TOX3: variants seen among roughly 807,000 people sequenced by gnomAD.
The protein encoded by TOX3 is CAG trinucleotide repeat-containing gene F9 protein.
In TOX3, 22 loss-of-function variants were observed where a neutral mutation model predicts 64.3. The observed-to-expected ratio is 0.34, with a 90% confidence interval of 0.24 to 0.49. TOX3 has a LOEUF of 0.49. Ranked by LOEUF, TOX3 falls within the 20% of genes least tolerant of loss-of-function variation. TOX3 has a pLI of 0.99. For synonymous variants in TOX3, 291 were observed against 273.6 expected (o/e 1.06, Z -0.63); for missense variants, 661 against 714.4 (o/e 0.93, Z 0.85).
At chr16:52,492,112 T>A (rs1378341650) in intron 1 of TOX3, among the ~76,000 whole-genome samples, 4 of 151,862 alleles carry the variant, frequency 2.6e-5, no homozygotes, top group African/African-American at 9.7e-5. Context: ...TTTCTCAAAA[T>A]GGGTCTGTAC....
chr16:52,458,692 C>T (rs1229814459), intron 3 of TOX3, among the ~76,000 whole-genome samples: 1 of 152,072 alleles, frequency 6.6e-6, no homozygotes. Context: ...GACAGATGAC[C>T]CTCAGGTTAA....
At chr16:52,519,319 T>A in intron 1 of TOX3, 5 of 1,291,042 alleles carry the variant, frequency 3.9e-6, no homozygotes, top group Non-Finnish European at 5.3e-6. Context: ...TAAGGGTTAG[T>A]GCATTCATCA....
chr16:52,455,060 A>G lies in TOX3; in HGVS notation c.409-4514T>C, dbSNP rs528893963. Among the ~76,000 whole-genome samples, 11 of 152,350 alleles carry G rather than the reference A, an allele frequency of 7.2e-5. No homozygotes were observed. In the South Asian group the frequency reaches 2.3e-3, roughly 32 times the overall value. The stretch of plus-strand genomic sequence containing the variant: ...AAAGGCAAAGCAGCTATTGGGTTCT[A>G]AGAGATTGCCCACTATCATAACCAA... On this transcript the variant is annotated intron_variant, in intron 3 of 6. Transcript: ENST00000219746.
At chr16:52,515,207 A>C (rs765943496) in intron 1 of TOX3, among the ~76,000 whole-genome samples, 3 of 151,564 alleles carry the variant, frequency 2.0e-5, no homozygotes, top group Non-Finnish European at 4.4e-5. Flanking sequence ...AAGAAAAAGA[A>C]AAAGAAAGAA....
chr16:52,450,868 G>T (rs1001472786), intron 3 of TOX3, among the ~76,000 whole-genome samples: 1 of 151,088 alleles, frequency 6.6e-6, no homozygotes, highest in Admixed American at 6.6e-5. Flanking sequence ...AAAAAAAGAA[G>T]AAAGGAAATT....
At position 52,439,580 on chromosome 16, in the gene TOX3, A is replaced by G; in HGVS notation, c.1376T>C (p.Met459Thr). 6.3e-7 allele frequency: 1 copy of G among 1,577,962 alleles called. No individual in the cohort carries two copies. The highest frequency in any genetic ancestry group is 8.7e-7 in the Non-Finnish European group (1 of 1,155,648). Residue 459 changes from methionine (M) to threonine (T), a missense_variant, in exon 7 of 7, where the codon ATG (methionine) becomes ACG (threonine). Physicochemically the swap from Met to Thr is moderately conservative, Grantham distance 81. Around this residue, in one of 3 missense-constraint regions of TOX3, gnomAD observed 299 missense variants for 292.1 expected, o/e 1.02. Coordinates refer to ENST00000219746, the MANE Select transcript of TOX3 (RefSeq NM_001080430.4). ...GTGCTGCTGGAGTTGCTGCTGCTGC[A>G]TCTGTTGCATCTGTTGTTGTTGCTG... The part of the protein sequence containing the change: ...QQQQQQQMQQ[M>T]QQQQLQQHQM...
chr16:52,472,951 G>T (rs557123780), intron 1 of TOX3, among the ~76,000 whole-genome samples: 1 of 152,256 alleles, frequency 6.6e-6, no homozygotes, highest in East Asian at 1.9e-4. Flanking sequence ...ATTTCAAAAA[G>T]AACATCCTCA....
chr16:52,516,436 G>A (rs988888471), intron 1 of TOX3, among the ~76,000 whole-genome samples: 1 of 152,156 alleles, frequency 6.6e-6, no homozygotes, highest in South Asian at 2.1e-4. Flanking sequence ...AGCAATGAAG[G>A]AGAAAAGTTG....
At chr16:52,537,185 A>G (rs1424572847) in intron 1 of TOX3, among the ~76,000 whole-genome samples, 1 of 152,108 alleles carries the variant, frequency 6.6e-6, no homozygotes, top group Admixed American at 6.5e-5. Context: ...AAACACATAC[A>G]TATGCAAATG....
rs1383535236 is a variant in TOX3, at chr16:52,463,986, G to A, written c.356C>T (p.Ser119Leu). The A allele has an allele frequency of 3.8e-6, 6 of 1,594,384 alleles. No homozygotes were observed. In the South Asian group the frequency reaches 6.8e-5, roughly 18 times the overall value. The change falls in exon 3 of 7, where the codon TCA (serine) becomes TTA (leucine). Residue 119 changes from serine to leucine, a missense_variant. Physicochemically the swap from Ser to Leu is moderately radical, Grantham distance 145. Coordinates refer to ENST00000219746, the MANE Select transcript of TOX3 (RefSeq NM_001080430.4). ...GCCATCTTGTTCCACGAGATTTCTTGAGATTGTAATGGAAGGGAGGTCCAG... is the reference window on the plus strand; with the variant it reads ...GCCATCTTGTTCCACGAGATTTCTTAAGATTGTAATGGAAGGGAGGTCCAG... The part of the protein sequence containing the change: ...QSLDLPSITI[S>L]RNLVEQDGVL...
At chr16:52,479,412 G>T (rs1200132133) in intron 1 of TOX3, among the ~76,000 whole-genome samples, 4 of 152,240 alleles carry the variant, frequency 2.6e-5, no homozygotes, top group African/African-American at 9.6e-5. Flanking sequence ...GCGAATGTTT[G>T]CAGGTAGAGA....
intron 1 of TOX3, among the ~76,000 whole-genome samples, chr16:52,477,514 G>A (rs1025587789): frequency 5.9e-5 from 9 of 152,162 alleles, no homozygotes; most frequent in African/African-American, 1.9e-4. Flanking sequence ...ACCGGGCAGA[G>A]GCAACAGTAG....
chr16:52,464,076 T>C lies in TOX3; in HGVS notation c.266A>G (p.Gln89Arg). The change falls in exon 3 of 7, where the codon CAA (glutamine) becomes CGA (arginine). Residue 89 changes from glutamine (Q) to arginine (R), a missense_variant. By Grantham distance (43) the Gln-to-Arg change is conservative. Coordinates refer to ENST00000219746, the MANE Select transcript of TOX3 (RefSeq NM_001080430.4). ...GGAAGGCAATGGATCGCTGAGGGCT[T>C]GAAAGGGTAGCAGTACATCCGGCAT... Reference protein sequence around the residue: ...LGMPDVLLPFQALSDPLPSQG... With the variant: ...LGMPDVLLPFRALSDPLPSQG... The C allele has an allele frequency of 6.2e-7, 1 of 1,604,798 alleles. No individual in the cohort carries two copies. The highest frequency in any genetic ancestry group is 8.5e-7 in the Non-Finnish European group (1 of 1,176,008).
chr16:52,497,782 G>GT (rs913445072), intron 1 of TOX3, among the ~76,000 whole-genome samples: 25 of 151,442 alleles, frequency 1.7e-4, no homozygotes, highest in Admixed American at 5.9e-4. Context: ...AGCCAGTTGT[G>GT]TTTTTTTTAA....
intron 1 of TOX3, among the ~76,000 whole-genome samples, chr16:52,507,851 C>T (rs974321633): frequency 2.0e-5 from 3 of 152,086 alleles, no homozygotes; most frequent in Non-Finnish European, 2.9e-5. Flanking sequence ...TTCTAGATTA[C>T]ATTATTTGAA....
At chr16:52,545,284 A>C (rs1963150562) in intron 1 of TOX3, among the ~76,000 whole-genome samples, 1 of 152,224 alleles carries the variant, frequency 6.6e-6, no homozygotes, top group Non-Finnish European at 1.5e-5. Context: ...AGCACACGGA[A>C]TAAAGTCCCC....
chr16:52,521,663 T>A (rs1962613817), intron 1 of TOX3, among the ~76,000 whole-genome samples: 1 of 152,322 alleles, frequency 6.6e-6, no homozygotes, highest in South Asian at 2.1e-4. Flanking sequence ...ATCTCTCCGA[T>A]GATCCTGGGT....
At chr16:52,545,433 A>G (rs889610155) in intron 1 of TOX3, among the ~76,000 whole-genome samples, 1 of 152,254 alleles carries the variant, frequency 6.6e-6, no homozygotes, top group African/African-American at 2.4e-5. Context: ...ATAAACAAAT[A>G]GAAAGGAACA....
At chr16:52,537,980 G>T (rs968774062) in intron 1 of TOX3, among the ~76,000 whole-genome samples, 12 of 151,542 alleles carry the variant, frequency 7.9e-5, no homozygotes, top group African/African-American at 2.9e-4. Flanking sequence ...TCTAGATCCA[G>T]CTATGCCTGA....
Sources: gnomAD v4.1 joint callset for allele counts (sites outside exome capture counted in the v4.1 genomes callset) on GRCh38, gnomAD v4.1.1 for gene constraint, gnomAD v4.1.1 regional missense constraint, MANE v1.5 for transcripts, NCBI Gene and HGNC (gene_info 2026-07-23, HGNC 2026-07-21) for gene names.